Variants in GRK6 observed in about 807,000 individuals in gnomAD.
GRK6 encodes the protein G protein-coupled receptor kinase 6.
A neutral mutation model predicts 80.8 loss-of-function variants in GRK6; 37 were observed. That is an observed-to-expected ratio of 0.46 (90% CI 0.35 to 0.60). The LOEUF (loss-of-function observed/expected upper bound fraction) is 0.60. Among genes scored for constraint, GRK6 ranks in the 20% least tolerant of loss-of-function variants. The pLI is 0.00. For missense variants in GRK6, 560 were observed against 784.6 expected (o/e 0.71, Z 3.42); for synonymous variants, 295 against 320.9 (o/e 0.92, Z 0.86).
chr5:177,438,348 C>A (rs1312765425), intron 13 of GRK6, among the ~76,000 whole-genome samples: 1 of 151,768 alleles, frequency 6.6e-6, no homozygotes, highest in Non-Finnish European at 1.5e-5. Context: ...GCCTGGGCAA[C>A]AAGAGTGAAA....
At chr5:177,427,232 AG>A (rs1027500040) in intron 1 of GRK6, among the ~76,000 whole-genome samples, 3 of 152,216 alleles carry the variant, frequency 2.0e-5, no homozygotes, top group African/African-American at 7.2e-5. Flanking sequence ...AGAGGTGTAA[AG>A]ATGCCCCACG....
rs1286197438 is a variant in GRK6, at chr5:177,428,448, G to T, written c.52+1551G>T. ...CCTCCCACCTGCATGGCTTTTTTTT[G>T]AGACAGAGTCTCACTGTGTCACCCA... On this transcript the variant is annotated intron_variant, in intron 1 of 15. Transcript: ENST00000355472. This position sits in a 1 kb window ranked among gnomAD's most constrained non-coding sequence, Gnocchi z 4.1. Among the ~76,000 whole-genome samples, 1 of 151,976 alleles carries T rather than the reference G, an allele frequency of 6.6e-6. No homozygotes were observed. The highest frequency in any genetic ancestry group is 1.5e-5 in the Non-Finnish European group (1 of 67,970).
In GRK6 at chr5:177,433,457, T is replaced by C. The variant is rs1008410120; in HGVS notation, c.597+47T>C. The C allele has an allele frequency of 1.9e-6, 3 of 1,610,256 alleles. No homozygotes were observed. The South Asian group carries it at 3.3e-5, about 18-fold the overall frequency. ...CCTGGGAGAGTGAATAGGGTGGGTG[T>C]GTTGGGACCTGGACCACCCCCTGGA... On this transcript the variant is annotated intron_variant, in intron 7 of 15. Coordinates refer to ENST00000355472, the MANE Select transcript of GRK6 (RefSeq NM_001004106.3).
chr5:177,432,939 G>A (rs543081454), intron 5 of GRK6, 133 bp downstream of exon 5: 4 of 829,544 alleles, frequency 4.8e-6, no homozygotes, highest in South Asian at 3.3e-5. Flanking sequence ...CCCCTGCTGT[G>A]TGACCTGAGC....
intron 9 of GRK6, among the ~76,000 whole-genome samples, chr5:177,434,381 C>T (rs1476776173): frequency 1.3e-5 from 2 of 152,210 alleles, no homozygotes; most frequent in Non-Finnish European, 2.9e-5. Context: ...CCCAACACTG[C>T]TTCCTTTTCT....
rs1017439115 is a variant in GRK6, at chr5:177,441,670, G to C, written c.1678-67G>C. ...CCTGGCAGGGTCGGCCCCATGTGAC[G>C]TCCCTCGTGGTTAATGGCACCTGCT... On this transcript the variant is annotated intron_variant, in intron 15 of 15. Transcript: ENST00000355472. 5.3e-6 allele frequency: 7 copies of C among 1,320,850 alleles called. No individual in the cohort carries two copies. In the South Asian group the frequency reaches 8.2e-5, roughly 15 times the overall value. The allele number at this position is 1,320,850 out of a possible 1,614,324, so 81.8% of individuals were successfully genotyped here.
rs367817844 is a variant in GRK6 at position 177,436,286 on chromosome 5, G to A, written c.1266+5G>A. On this transcript the variant is annotated splice_donor_5th_base_variant and intron_variant, in intron 12 of 15. Transcript: ENST00000355472. ...GCCCGCTCACTTTGCTCACAGGTAC[G>A]GCAGCTCACAGAAGCCTGGCCAGCC... 24 of 1,613,802 alleles carry A rather than the reference G, an allele frequency of 1.5e-5. No individual in the cohort carries two copies. Among genetic ancestry groups the A allele is most frequent in the African/African-American group, 5.3e-5 (4 of 74,924 alleles).
At chr5:177,435,945 C>A in intron 11 of GRK6, 128 bp from the exon 12 acceptor site, 1 of 752,492 alleles carries the variant, frequency 1.3e-6, no homozygotes. Context: ...TGCTCTCCTA[C>A]TGGCCAAGGT....
intron 2 of GRK6, 158 bp from the exon 3 acceptor site, chr5:177,431,837 C>A: frequency 1.5e-6 from 1 of 675,278 alleles, no homozygotes; most frequent in East Asian, 2.7e-5. Flanking sequence ...ACAGCTGTGC[C>A]CACCTGAGGG....
chr5:177,432,269 G>T lies in GRK6; in HGVS notation c.298G>T (p.Ala100Ser). Reference sequence around the variant, plus strand: ...AGTGACCCCGGATGACAAGCGGAAGGCATGTGGGCGGCAGCTAACGCAGAA... The same window carrying T: ...AGTGACCCCGGATGACAAGCGGAAGTCATGTGGGCGGCAGCTAACGCAGAA... ...YEVTPDDKRK[A>S]CGRQLTQNFL... The change falls in exon 4 of 16, where the codon GCA (alanine) becomes TCA (serine). Residue 100 changes from alanine to serine, a missense_variant. Physicochemically the swap from Ala to Ser is moderately conservative, Grantham distance 99. Transcript: ENST00000355472. 6.2e-7 allele frequency: 1 copy of T among 1,613,360 alleles called. No individual in the cohort carries two copies. The highest frequency in any genetic ancestry group is 1.8e-4 in the Middle Eastern group (1 of 5,442).
intron 13 of GRK6, 23 bp from the exon 14 acceptor site, chr5:177,440,677 G>C: frequency 6.2e-7 from 1 of 1,612,680 alleles, no homozygotes; most frequent in Non-Finnish European, 8.5e-7. Flanking sequence ...TTTCCTATCT[G>C]ACCGTTGCCT....
At chr5:177,438,165 C>G (rs993004979) in intron 13 of GRK6, among the ~76,000 whole-genome samples, 2 of 151,984 alleles carry the variant, frequency 1.3e-5, no homozygotes, top group South Asian at 2.1e-4. Flanking sequence ...GTTGGGAGTT[C>G]GAAGACCAGC....
chr5:177,436,207 G>A lies in GRK6; in HGVS notation c.1192G>A (p.Glu398Lys), dbSNP rs1251853641. 4 of 1,614,192 alleles carry A rather than the reference G, an allele frequency of 2.5e-6. No individual in the cohort carries two copies. The highest frequency in any genetic ancestry group is 3.4e-6 in the Non-Finnish European group (4 of 1,180,034). The change falls in exon 12 of 16, where the codon GAG (glutamate) becomes AAG (lysine). Residue 398 changes from glutamate (E) to lysine (K), a missense_variant. Physicochemically the swap from Glu to Lys is moderately conservative, Grantham distance 56. Transcript: ENST00000355472. ...GAAGAAGATCAAGCGGGAGGAGGTGGAGCGGCTGGTGAAGGAGGTCCCCGA... is the reference window on the plus strand; with the variant it reads ...GAAGAAGATCAAGCGGGAGGAGGTGAAGCGGCTGGTGAAGGAGGTCCCCGA... ...RKKKIKREEV[E>K]RLVKEVPEEY...
chr5:177,438,255 C>A (rs1487689688), intron 13 of GRK6, among the ~76,000 whole-genome samples: 2 of 152,156 alleles, frequency 1.3e-5, no homozygotes, highest in East Asian at 3.8e-4. Context: ...GTAATCCCAG[C>A]TACTCGGCAG....
chr5:177,436,334 T>TGCCCCCCCCC, intron 12 of GRK6, 53 bp downstream of exon 12: 1 of 1,556,036 alleles, frequency 6.4e-7, no homozygotes, highest in Non-Finnish European at 8.8e-7. Flanking sequence ...GATGCACCTT[T>TGCCCCCCCCC]CCCTCCCTCC....
intron 13 of GRK6, among the ~76,000 whole-genome samples, chr5:177,439,541 CAAAAA>C (rs57996388): frequency 1.5e-5 from 1 of 67,422 alleles, no homozygotes; most frequent in African/African-American, 5.2e-5. Flanking sequence ...ACTCCCATCT[CAAAAA>C]AAAAAAAAAA....
rs1763796442 is a variant in GRK6 at position 177,429,438 on chromosome 5, G to A, written c.53-1434G>A. ...GGCTGGCGGATGGAGGGTTGGGTGA[G>A]GGACCTGTGGGTGTGGGGGAGGAGT... On this transcript the variant is annotated intron_variant, in intron 1 of 15. Transcript: ENST00000355472. This position sits in a 1 kb window ranked among gnomAD's most constrained non-coding sequence, Gnocchi z 4.3. Among the ~76,000 whole-genome samples the A allele has an allele frequency of 6.6e-6, 1 of 152,156 alleles. No individual in the cohort carries two copies. The highest frequency in any genetic ancestry group is 2.1e-4 in the South Asian group (1 of 4,828).
At chr5:177,425,747 C>T (rs910036843), upstream of GRK6, among the ~76,000 whole-genome samples, 1 of 152,222 alleles carries the variant, frequency 6.6e-6, no homozygotes, top group East Asian at 1.9e-4. Context: ...GCCTTACTCG[C>T]GGAGTTTGGG....
In GRK6 at chr5:177,435,288, G is replaced by A. The variant is rs563835730; in HGVS notation, c.1057+167G>A. Among the ~76,000 whole-genome samples, 34 of 152,360 alleles carry A rather than the reference G, an allele frequency of 2.2e-4. No homozygotes were observed. The South Asian group carries it at 6.4e-3, about 29-fold the overall frequency. The stretch of plus-strand genomic sequence containing the variant: ...GTTAGGAGACCAAGACTCAGCCGGG[G>A]CCGCACACAGTTGTGAAGCCATGTC... On this transcript the variant is annotated intron_variant, in intron 11 of 15. Coordinates refer to ENST00000355472, the MANE Select transcript of GRK6 (RefSeq NM_001004106.3).
Sources: allele counts gnomAD v4.1 joint callset (sites outside exome capture counted in the v4.1 genomes callset), GRCh38; gene constraint gnomAD v4.1.1; non-coding constraint Gnocchi (gnomAD v3.1); transcripts MANE v1.5; gene names NCBI Gene and HGNC (gene_info 2026-07-23, HGNC 2026-07-21).